Variants in PIEZO1 observed in about 807,000 individuals in gnomAD.
The protein encoded by PIEZO1 is piezo type mechanosensitive ion channel component 1 (Er blood group).
PIEZO1 carries 296 observed loss-of-function variants against 297.2 expected under a neutral mutation model. That is an observed-to-expected ratio of 1.00 (90% confidence interval 0.91 to 1.10). PIEZO1 has a LOEUF of 1.10. PIEZO1 is among the 50% of genes least tolerant of loss of function. The pLI, the probability that PIEZO1 is intolerant of heterozygous loss-of-function variation, is 0.00. For missense variants in PIEZO1, 5,018 were observed against 3,455.5 expected, an observed-to-expected ratio of 1.45 and a Z score of -11.34; for synonymous variants, 2,427 against 1,507.5, an observed-to-expected ratio of 1.61 and a Z score of -14.13.
intron 24 of PIEZO1, 27 bp downstream of exon 24, chr16:88,727,012 C>G (rs964967627): frequency 6.5e-7 from 1 of 1,548,206 alleles, no homozygotes; most frequent in Admixed American, 2.0e-5. Flanking sequence ...CCAGAAGGTT[C>G]CCCGTGGAGG....
intron 2 of PIEZO1, among the ~76,000 whole-genome samples, chr16:88,747,801 C>G (rs1906142873): frequency 6.6e-6 from 1 of 152,158 alleles, no homozygotes; most frequent in Non-Finnish European, 1.5e-5. Flanking sequence ...GCAGATGGGA[C>G]GAAGCCACAG....
intron 1 of PIEZO1, among the ~76,000 whole-genome samples, chr16:88,770,059 G>A (rs775146164): frequency 2.4e-4 from 37 of 152,154 alleles, no homozygotes; most frequent in Non-Finnish European, 4.6e-4. Flanking sequence ...CGCATGGCCC[G>A]TCCCCAGGGA....
In PIEZO1 at chr16:88,716,471, C is replaced by G; in HGVS notation, c.6939G>C (p.Lys2313Asn). 4 of 1,547,920 alleles carry G rather than the reference C, an allele frequency of 2.6e-6. No individual in the cohort carries two copies. The highest frequency in any genetic ancestry group is 3.5e-6 in the Non-Finnish European group (4 of 1,145,536). ...CGTTGGCATACTCCACAGTGCCTCC[C>G]TTCGCCAGGTCCCTGGGGGTGGGAA... ...FTWNFQRDLA[K>N]GGTVEYANEK... Residue 2313 changes from lysine to asparagine, a missense_variant, in exon 48 of 51, where the codon AAG becomes AAC. Lys to Asn is a moderately conservative substitution (Grantham distance 94, BLOSUM62 0). Coordinates refer to ENST00000301015, the MANE Select transcript of PIEZO1 (RefSeq NM_001142864.4).
intron 1 of PIEZO1, among the ~76,000 whole-genome samples, chr16:88,753,893 G>C (rs12597726): frequency 6.6e-6 from 1 of 152,118 alleles, no homozygotes; most frequent in Non-Finnish European, 1.5e-5. Context: ...CTCAGGCAGA[G>C]AAGGAAGAAA....
intron 25 of PIEZO1, 24 bp downstream of exon 25, chr16:88,726,691 G>T (rs768433778): frequency 2.6e-6 from 4 of 1,546,028 alleles, no homozygotes; most frequent in Non-Finnish European, 3.5e-6. Context: ...CAGGGCGGTG[G>T]GTGCGGGGGG....
chr16:88,717,913 C>T (rs535651329), intron 44 of PIEZO1: 103 of 391,898 alleles, frequency 2.6e-4, no homozygotes, highest in Admixed American at 6.2e-4. Context: ...TTGAGACGAA[C>T]CTGGCCAAAA....
rs780155485 is a variant in PIEZO1 at position 88,722,286 on chromosome 16, C to T, written c.4887G>A (p.Gly1629=). Residue 1629 remains glycine, a synonymous_variant, in exon 36 of 51, where the codon GGG becomes GGA. Transcript: ENST00000301015. ...ACAGAGAGGCACCAGCCTCACGCTCCCCGGGGTCGGTGACTGCCTCCTCAC... is the reference window on the plus strand; with the variant it reads ...ACAGAGAGGCACCAGCCTCACGCTCTCCGGGGTCGGTGACTGCCTCCTCAC... ...SGSEEAVTDP[G]EREAGASLYQ... The T allele has an allele frequency of 6.5e-7, 1 of 1,548,518 alleles. No homozygotes were observed. Among genetic ancestry groups the T allele is most frequent in the East Asian group, 2.4e-5 (1 of 40,930 alleles).
intron 1 of PIEZO1, among the ~76,000 whole-genome samples, chr16:88,774,367 G>A (rs1050676592): frequency 6.6e-6 from 1 of 152,202 alleles, no homozygotes; most frequent in Non-Finnish European, 1.5e-5. Context: ...CACCAGCTTG[G>A]GCGACAGAGC....
chr16:88,717,583 C>A (rs766151189), intron 44 of PIEZO1: 7 of 473,984 alleles, frequency 1.5e-5, no homozygotes, highest in South Asian at 3.1e-5. Flanking sequence ...AACTATAGAA[C>A]TTTTAGAAGA....
Position 88,737,624 on chromosome 16 carries a change from T to C in PIEZO1, c.1130A>G (p.Asp377Gly). ...SDQHVVPTAP[D>G]TEADNCIVHE... ...CACGATGCAGTTATCAGCCTCGGTGTCGGGTGCTGTGGGCACCACGTGCTG... is the reference window on the plus strand; with the variant it reads ...CACGATGCAGTTATCAGCCTCGGTGCCGGGTGCTGTGGGCACCACGTGCTG... The change falls in exon 10 of 51, where the codon GAC becomes GGC. Residue 377 changes from aspartate (D) to glycine (G), a missense_variant. Coordinates refer to ENST00000301015, the MANE Select transcript of PIEZO1 (RefSeq NM_001142864.4). 1.3e-6 allele frequency: 2 copies of C among 1,534,876 alleles called. No homozygotes were observed. Among genetic ancestry groups the C allele is most frequent in the Non-Finnish European group, 1.7e-6 (2 of 1,146,536 alleles).
In PIEZO1 at chr16:88,738,695, C is replaced by T; in HGVS notation, c.507G>A (p.Gly169=). The T allele has an allele frequency of 3.9e-6, 6 of 1,533,988 alleles. No homozygotes were observed. Among genetic ancestry groups the T allele is most frequent in the African/African-American group, 1.4e-5 (1 of 73,142 alleles). ...ERDVDASPTA[G]LQEAATLAPT... ...GGGCCAGCGTTGCTGCTTCCTGCAG[C>T]CCTGCCGTCGGGCTGGCATCCACAT... is the stretch of plus-strand genomic sequence containing the variant. The change falls in exon 6 of 51, where the codon GGG becomes GGA. Residue 169 remains glycine (G), a synonymous_variant. Transcript: ENST00000301015.
At chr16:88,762,552 G>A (rs929322944) in intron 1 of PIEZO1, among the ~76,000 whole-genome samples, 2 of 152,230 alleles carry the variant, frequency 1.3e-5, no homozygotes, top group African/African-American at 4.8e-5. Flanking sequence ...AACCCTGACT[G>A]CCAAGGGTAG....
intron 1 of PIEZO1, among the ~76,000 whole-genome samples, chr16:88,769,924 C>G (rs547792860): frequency 6.6e-6 from 1 of 152,170 alleles, no homozygotes; most frequent in African/African-American, 2.4e-5. Flanking sequence ...CCTAGGGGGT[C>G]ACACCCCTTC....
At chr16:88,763,939 G>T (rs1303815819) in intron 1 of PIEZO1, among the ~76,000 whole-genome samples, 1 of 152,180 alleles carries the variant, frequency 6.6e-6, no homozygotes, top group African/African-American at 2.4e-5. Flanking sequence ...CTGCACACAG[G>T]GTCGGCACGC....
In PIEZO1 at chr16:88,737,741, C is replaced by A; in HGVS notation, c.1094G>T (p.Arg365Leu). The A allele has an allele frequency of 2.0e-6, 3 of 1,535,568 alleles. No homozygotes were observed. Among genetic ancestry groups the A allele is most frequent in the Non-Finnish European group, 2.6e-6 (3 of 1,146,646 alleles). Reference sequence around the variant, plus strand: ...CTGGCTGCTCACCTGGTCAGACTCCCGTTCCTGGGGCCACTGGTCCAGCTC... The same window carrying A: ...CTGGCTGCTCACCTGGTCAGACTCCAGTTCCTGGGGCCACTGGTCCAGCTC... Reference protein sequence around the residue: ...LAELDQWPQERESDQHVVPTA... With the variant: ...LAELDQWPQELESDQHVVPTA... Residue 365 changes from arginine to leucine, a missense_variant, in exon 9 of 51, where the codon CGG (arginine) becomes CTG (leucine). Arg to Leu is a moderately radical substitution (Grantham distance 102). Transcript: ENST00000301015.
At position 88,720,146 on chromosome 16, in the gene PIEZO1, G is replaced by C. The variant is rs1390753637; in HGVS notation, c.6087C>G (p.Gly2029=). The change falls in exon 42 of 51, where the codon GGC becomes GGG. Residue 2029 remains glycine, a synonymous_variant. Transcript: ENST00000301015. ...CCAGCGCCACCTGGAAGGCCAGCTT[G>C]CCCAGCACGGTCTTGCGCAGGTAGA... ...RALYLRKTVL[G]KLAFQVALVL... is the part of the protein sequence containing the mutation. The C allele has an allele frequency of 6.4e-7, 1 of 1,550,438 alleles. No homozygotes were observed. The highest frequency in any genetic ancestry group is 1.2e-5 in the South Asian group (1 of 84,066).
At chr16:88,724,040 G>C in intron 30 of PIEZO1, 69 bp from the exon 31 acceptor site, 1 of 975,480 alleles carries the variant, frequency 1.0e-6, no homozygotes, top group East Asian at 2.6e-5. Context: ...CCCTCCGCCT[G>C]CATGGGCCAA....
chr16:88,738,134 C>T, intron 7 of PIEZO1, 29 bp from the exon 8 acceptor site: 1 of 1,535,600 alleles, frequency 6.5e-7, no homozygotes, highest in African/African-American at 1.4e-5. Flanking sequence ...TCACAGCCTA[C>T]CACCCCAGAG....
intron 1 of PIEZO1, among the ~76,000 whole-genome samples, chr16:88,754,767 GCGCTGGCCGAGAGCAGGACGT>G (rs1906570314): frequency 6.6e-6 from 1 of 152,232 alleles, no homozygotes; most frequent in Non-Finnish European, 1.5e-5. Context: ...CCGCAGGCCA[GCGCTGGCCGAGAGCAGGACGT>G]GGTGCAGAAA....
Sources: allele counts gnomAD v4.1 joint callset (sites outside exome capture counted in the v4.1 genomes callset), GRCh38; gene constraint gnomAD v4.1.1; transcripts MANE v1.5; gene names NCBI Gene and HGNC (gene_info 2026-07-23, HGNC 2026-07-21).